Variants in PAK3 observed in about 807,000 individuals in gnomAD.
PAK3 encodes the protein serine/threonine-protein kinase PAK 3.
PAK3 carries 4 observed loss-of-function variants against 41.0 expected under a neutral mutation model. The observed-to-expected ratio is 0.10, with a 90% CI of 0.05 to 0.22. PAK3 has a LOEUF of 0.22. Ranked by LOEUF, PAK3 falls within the 10% of genes least tolerant of loss-of-function variation. PAK3 has a pLI of 1.00. For missense variants in PAK3, 205 were observed against 409.9 expected, an observed-to-expected ratio of 0.50 and a Z score of 4.32; for synonymous variants, 146 against 139.6, an observed-to-expected ratio of 1.05 and a Z score of -0.32.
At chrX:110,952,614 C>A (rs1414092438) in intron 1 of PAK3, among the ~76,000 whole-genome samples, 1 of 110,341 alleles carries the variant, frequency 9.1e-6, no homozygotes. Flanking sequence ...CTGACACAGC[C>A]CACCCCAGGG....
At chrX:111,034,636 A>C (rs780089092) in intron 1 of PAK3, among the ~76,000 whole-genome samples, 1 of 111,564 alleles carries the variant, frequency 9.0e-6, no homozygotes, top group African/African-American at 3.3e-5. Context: ...ATCCTGTCTG[A>C]GGTGCTGCAC....
chrX:111,146,604 T>G (rs941512105), intron 6 of PAK3: 1 of 837,611 alleles, frequency 1.2e-6, no homozygotes. Context: ...ATCAAAGTGC[T>G]TCTTTGAGAT....
At chrX:111,160,955 A>T (rs2094176237) in intron 8 of PAK3, among the ~76,000 whole-genome samples, 1 of 112,467 alleles carries the variant, frequency 8.9e-6, no homozygotes, top group South Asian at 3.7e-4. Flanking sequence ...TAGCAGCATG[A>T]TTTATAATCC....
rs1491483444 is a variant in PAK3, at chrX:111,220,946, A to AAAAAAAAAAAAAAAAAAAACAAAAAC, written c.*515_*516insAAACAAAAACAAAAAAAAAAAAAAAA. 1 of 5,761 alleles carries AAAAAAAAAAAAAAAAAAAACAAAAAC rather than the reference A, an allele frequency of 1.7e-4. No individual in the cohort carries two copies. The allele number at this position is 5,761 out of a possible 1,213,427, so 0.5% of individuals were successfully genotyped here. A position where few individuals can be genotyped will look rare whatever the true frequency, so the allele number is the denominator to read the frequency against. ...AAAAAGAAAGCAAAAAAAGCAAGGC[A>AAAAAAAAAAAAAAAAAAAACAAAAAC]AAAAAAAAAAAAAAAACAAACAAAA... On this transcript the variant is annotated 3_prime_UTR_variant, in exon 18 of 18. Coordinates refer to ENST00000372007, the MANE Select transcript of PAK3 (RefSeq NM_002578.5).
chrX:111,012,541 G>C (rs866008438), intron 1 of PAK3, among the ~76,000 whole-genome samples: 6 of 112,038 alleles, frequency 5.4e-5, no homozygotes, highest in Middle Eastern at 9.2e-3. Flanking sequence ...GACATGTTTT[G>C]GTTCTCCCTC....
intron 1 of PAK3, among the ~76,000 whole-genome samples, chrX:111,047,224 T>C (rs1181827060): frequency 9.0e-6 from 1 of 111,629 alleles, no homozygotes; most frequent in Non-Finnish European, 1.9e-5. Context: ...TGAGGATGTG[T>C]GAGATAAAAA....
intron 6 of PAK3, among the ~76,000 whole-genome samples, chrX:111,143,610 A>G (rs1221510682): frequency 1.8e-5 from 2 of 111,245 alleles, no homozygotes; most frequent in Non-Finnish European, 3.8e-5. Flanking sequence ...AGATACTCCA[A>G]CCTTGCTATT....
chrX:110,947,266 G>A (rs756215340), intron 1 of PAK3, among the ~76,000 whole-genome samples: 6 of 111,913 alleles, frequency 5.4e-5, no homozygotes, highest in African/African-American at 1.3e-4. Flanking sequence ...TTCTTTCCTC[G>A]TCTGGACAAT....
At chrX:111,076,302 G>A (rs181124554) in intron 1 of PAK3, among the ~76,000 whole-genome samples, 124 of 112,030 alleles carry the variant, frequency 1.1e-3, no homozygotes, top group African/African-American at 3.6e-3. Flanking sequence ...CAATGTTGGA[G>A]GTGAGACCTG....
Position 111,071,499 on chromosome X carries a change from A to T in PAK3, c.-27-51578A>T, listed in dbSNP as rs967258105. ...AATGACTACCACATGTAAGGATTTA[A>T]TACACTATTATTATTGTTCTCCTCC... On this transcript the variant is annotated intron_variant, in intron 1 of 14. Coordinates refer to the PAK3 transcript ENST00000425146. 2.7e-5 allele frequency among the ~76,000 whole-genome samples: 3 copies of T among 111,913 alleles called. 1 individual carries two copies. Among genetic ancestry groups the T allele is most frequent in the African/African-American group, 9.7e-5 (3 of 30,825 alleles).
Position 111,068,598 on chromosome X carries a change from G to A in PAK3, c.-27-54479G>A, listed in dbSNP as rs111746394. Among the ~76,000 whole-genome samples, 662 of 112,762 alleles carry A rather than the reference G, an allele frequency of 5.9e-3. 2 individuals are homozygous for A. The highest frequency in any genetic ancestry group is 5.4e-3 in the Non-Finnish European group (288 of 53,342). ...ATTGCAGGCGTGAGCCACTGTGCCC[G>A]ACCCATGGGTCTATCTTACTGTGCT... On this transcript the variant is annotated intron_variant, in intron 1 of 14. Transcript: ENST00000425146.
intron 16 of PAK3, among the ~76,000 whole-genome samples, chrX:111,214,053 G>A (rs2094849433): frequency 9.0e-6 from 1 of 111,567 alleles, no homozygotes; most frequent in Non-Finnish European, 1.9e-5. Flanking sequence ...TTGGGGGAAA[G>A]GAAGATGTTC....
chrX:110,965,519 C>G (rs979531669), intron 1 of PAK3, among the ~76,000 whole-genome samples: 4 of 111,934 alleles, frequency 3.6e-5, no homozygotes, highest in Admixed American at 2.8e-4. Flanking sequence ...AAATTAGCTT[C>G]TATTCACAAA....
chrX:110,975,948 C>T (rs769089928), intron 1 of PAK3, among the ~76,000 whole-genome samples: 232 of 111,823 alleles, frequency 2.1e-3, no homozygotes, highest in African/African-American at 7.3e-3. Context: ...ACACCTTATA[C>T]AAAAATTAAT....
At chrX:111,122,517 C>T (rs1024112508) in intron 4 of PAK3, among the ~76,000 whole-genome samples, 2 of 110,190 alleles carry the variant, frequency 1.8e-5, no homozygotes, top group African/African-American at 3.3e-5. Context: ...GTTGAAACTG[C>T]CAGATCTATG....
chrX:110,972,444 A>G (rs1386880057), intron 1 of PAK3, among the ~76,000 whole-genome samples: 1 of 111,897 alleles, frequency 8.9e-6, no homozygotes, highest in Non-Finnish European at 1.9e-5. Flanking sequence ...TCTTCAGCGA[A>G]CTCCAACAGA....
At position 110,972,565 on chromosome X, in the gene PAK3, A is replaced by G. The variant is rs184381821; in HGVS notation, c.-28+27937A>G. ...CCAAAACCCCATCTGTAGGTCACCA[A>G]CATCAAAGACCAAAGGTAGATAAAA... On this transcript the variant is annotated intron_variant, in intron 1 of 14. Coordinates refer to the PAK3 transcript ENST00000425146. 2.2e-3 allele frequency among the ~76,000 whole-genome samples: 250 copies of G among 112,318 alleles called. 1 individual carries two copies. The highest frequency in any genetic ancestry group is 7.7e-3 in the African/African-American group (238 of 30,951).
chrX:111,031,099 T>C (rs1206215795), intron 1 of PAK3, among the ~76,000 whole-genome samples: 17 of 112,375 alleles, frequency 1.5e-4, no homozygotes, highest in Non-Finnish European at 1.7e-4. Context: ...TTAGCATATA[T>C]ATGCAAAACA....
At chrX:111,164,510 T>A (rs941783028) in intron 10 of PAK3, among the ~76,000 whole-genome samples, 1 of 111,163 alleles carries the variant, frequency 9.0e-6, no homozygotes, top group African/African-American at 3.3e-5. Flanking sequence ...CAGTCCATGT[T>A]AAGGGCATCT....
Sources: allele counts gnomAD v4.1 joint callset (sites outside exome capture counted in the v4.1 genomes callset), GRCh38; gene constraint gnomAD v4.1.1; transcripts MANE v1.5; gene names NCBI Gene and HGNC (gene_info 2026-07-23, HGNC 2026-07-21).